SNX18: variants seen among roughly 807,000 people sequenced by gnomAD.
The protein encoded by SNX18 is sorting nexin 18.
In SNX18, 35 loss-of-function variants were observed where a neutral mutation model predicts 48.7. The ratio of observed to expected loss-of-function variants is 0.72; its 90% CI spans 0.55 to 0.95. The LOEUF (loss-of-function observed/expected upper bound fraction) is 0.95. SNX18 is among the 40% of genes least tolerant of loss of function. SNX18 has a pLI of 0.00. For synonymous variants in SNX18, 492 were observed against 384.7 expected, an observed-to-expected ratio of 1.28 and a Z score of -3.26; for missense variants, 824 against 871.0, an observed-to-expected ratio of 0.95 and a Z score of 0.68.
At chr5:54,612,406 G>C in the SNX18 span, among the ~76,000 whole-genome samples, 2 of 151,888 alleles carry the variant, frequency 1.3e-5, no homozygotes, top group African/African-American at 4.8e-5. Context: ...CTACAGGTGC[G>C]TGCCACCACA....
chr5:54,597,869 G>C, the SNX18 span, among the ~76,000 whole-genome samples: 1 of 151,782 alleles, frequency 6.6e-6, no homozygotes, highest in African/African-American at 2.4e-5. Flanking sequence ...GCTAGCAGAA[G>C]ACAAGAAATA....
the SNX18 span, among the ~76,000 whole-genome samples, chr5:54,630,104 A>G: frequency 6.6e-6 from 1 of 152,192 alleles, no homozygotes; most frequent in Non-Finnish European, 1.5e-5. Context: ...AACACCTGCC[A>G]GCTTCTGATA....
At chr5:54,531,734 G>C (rs1481268269) in intron 1 of SNX18, among the ~76,000 whole-genome samples, 1 of 152,180 alleles carries the variant, frequency 6.6e-6, no homozygotes, top group Non-Finnish European at 1.5e-5. Context: ...AAAACCACAG[G>C]AGTGAGGCGT....
Position 54,519,503 on chromosome 5 carries a change from C to T in SNX18, c.1551C>T (p.Pro517=), listed in dbSNP as rs151150635. 3 of 1,614,230 alleles carry T rather than the reference C, an allele frequency of 1.9e-6. No homozygotes were observed. Among genetic ancestry groups the T allele is most frequent in the African/African-American group, 1.3e-5 (1 of 75,048 alleles). Residue 517 remains proline, a synonymous_variant, in exon 1 of 2, where the codon CCC becomes CCT. Coordinates refer to ENST00000381410, the MANE Select transcript of SNX18 (RefSeq NM_001102575.2). ...AGCAGCCCAGGCAGGACCTGGATCC[C>T]GTCATGGACCTATTAGCGCTGTATC... ...FAEQPRQDLD[P]VMDLLALYQG... is the part of the protein sequence containing the mutation.
At chr5:54,581,070 C>G in the SNX18 span, among the ~76,000 whole-genome samples, 1 of 152,066 alleles carries the variant, frequency 6.6e-6, no homozygotes, top group Non-Finnish European at 1.5e-5. Flanking sequence ...GACCCCTGGT[C>G]GCAAGGAAGC....
chr5:54,551,572 T>A (rs1762656452), downstream of SNX18, among the ~76,000 whole-genome samples: 1 of 152,228 alleles, frequency 6.6e-6, no homozygotes, highest in South Asian at 2.1e-4. Context: ...ACGTTCATTC[T>A]TTGATCTACG....
At chr5:54,589,344 G>A in the SNX18 span, among the ~76,000 whole-genome samples, 6 of 152,078 alleles carry the variant, frequency 3.9e-5, no homozygotes, top group Non-Finnish European at 8.8e-5. Context: ...GCTGTGCCTT[G>A]TTGAAGGAGC....
At chr5:54,619,235 G>A in the SNX18 span, among the ~76,000 whole-genome samples, 3 of 152,112 alleles carry the variant, frequency 2.0e-5, no homozygotes, top group Non-Finnish European at 4.4e-5. Flanking sequence ...CAAAGGCCAG[G>A]CACAGTGGCT....
the SNX18 span, among the ~76,000 whole-genome samples, chr5:54,612,588 T>A: frequency 6.6e-6 from 1 of 152,090 alleles, no homozygotes; most frequent in South Asian, 2.1e-4. Flanking sequence ...AAACTTGGAT[T>A]TTATCGGCAT....
chr5:54,574,715 C>A, the SNX18 span, among the ~76,000 whole-genome samples: 3 of 152,088 alleles, frequency 2.0e-5, no homozygotes, highest in South Asian at 4.1e-4. Flanking sequence ...CGAGAACCAG[C>A]AGGCTCTGAG....
Position 54,519,087 on chromosome 5 carries a change from C to T in SNX18, c.1135C>T (p.Leu379=). ...LAQCDVFQHF[L]TCPSSTDEKA... is the part of the protein sequence containing the mutation. Reference sequence around the variant, plus strand: ...GCAGTGCGACGTCTTCCAGCACTTCCTGACGTGCCCCAGCAGCACCGACGA... The same window carrying T: ...GCAGTGCGACGTCTTCCAGCACTTCTTGACGTGCCCCAGCAGCACCGACGA... Residue 379 remains leucine, a synonymous_variant, in exon 1 of 2, where the codon CTG becomes TTG. Coordinates refer to ENST00000381410, the MANE Select transcript of SNX18 (RefSeq NM_001102575.2). 2 of 1,614,024 alleles carry T rather than the reference C, an allele frequency of 1.2e-6. No individual in the cohort carries two copies. Among genetic ancestry groups the T allele is most frequent in the South Asian group, 2.2e-5 (2 of 91,082 alleles).
chr5:54,627,066 T>C, the SNX18 span, among the ~76,000 whole-genome samples: 3 of 152,350 alleles, frequency 2.0e-5, no homozygotes, highest in African/African-American at 7.2e-5. Flanking sequence ...TGTGTTCTCA[T>C]AGAGCAATGT....
the SNX18 span, among the ~76,000 whole-genome samples, chr5:54,624,343 G>C: frequency 6.6e-6 from 1 of 152,088 alleles, no homozygotes; most frequent in East Asian, 1.9e-4. Context: ...GGCTCCAGGG[G>C]TTTTCATTAG....
the SNX18 span, among the ~76,000 whole-genome samples, chr5:54,622,498 T>C: frequency 6.6e-6 from 1 of 150,526 alleles, no homozygotes; most frequent in Admixed American, 6.6e-5. Context: ...CAAGCCACTG[T>C]CTCAAAAAAA....
At chr5:54,524,737 C>T (rs1012656379) in intron 1 of SNX18, among the ~76,000 whole-genome samples, 10 of 152,232 alleles carry the variant, frequency 6.6e-5, no homozygotes, top group African/African-American at 2.2e-4. Context: ...GGAAGGCAGA[C>T]GTGTATCATG....
chr5:54,588,183 G>C, the SNX18 span, among the ~76,000 whole-genome samples: 1 of 151,528 alleles, frequency 6.6e-6, no homozygotes, highest in Non-Finnish European at 1.5e-5. Flanking sequence ...CCAAAAGAAT[G>C]CCTAAAAATT....
chr5:54,518,342 G>A lies in SNX18; in HGVS notation c.390G>A (p.Gly130=), dbSNP rs746792902. The A allele has an allele frequency of 3.9e-6, 6 of 1,523,158 alleles. No homozygotes were observed. Among genetic ancestry groups the A allele is most frequent in the Non-Finnish European group, 5.3e-6 (6 of 1,138,096 alleles). The allele number at this position is 1,523,158 out of a possible 1,614,324, so 94.4% of individuals were successfully genotyped here. ...CCGGCGCGGGCTTCCCGTACGGCGG[G>A]GGCGCCCTGCAGCCGTCGCCTCAGC... ...QPPGAGFPYG[G]GALQPSPQQL... is the part of the protein sequence containing the mutation. The change falls in exon 1 of 2, where the codon GGG becomes GGA. Residue 130 remains glycine, a synonymous_variant. Coordinates refer to ENST00000381410, the MANE Select transcript of SNX18 (RefSeq NM_001102575.2).
downstream of SNX18, among the ~76,000 whole-genome samples, chr5:54,548,560 G>C (rs141368404): frequency 2.1e-4 from 32 of 152,272 alleles, no homozygotes; most frequent in African/African-American, 7.7e-4. Context: ...CACTAACCCA[G>C]CTCTGACCCT....
Position 54,545,713 on chromosome 5 carries a change from A to G in SNX18, c.*2281A>G, listed in dbSNP as rs200655709. 75 of 152,284 alleles carry G rather than the reference A, an allele frequency of 4.9e-4. 5 individuals are homozygous for G. The East Asian group carries it at 6.6e-3, about 13-fold the overall frequency. The allele number at this position is 152,284 out of a possible 1,614,324, so 9.4% of individuals were successfully genotyped here. On this transcript the variant is annotated 3_prime_UTR_variant, in exon 2 of 2. Coordinates refer to ENST00000381410, the MANE Select transcript of SNX18 (RefSeq NM_001102575.2). ...TTATTAGTGTTCATTTTCATCTAAG[A>G]TCTTTATTCTCTAACGTTCTTGGTC...
Sources: gnomAD v4.1 joint callset for allele counts (sites outside exome capture counted in the v4.1 genomes callset) on GRCh38, gnomAD v4.1.1 for gene constraint, MANE v1.5 for transcripts, NCBI Gene and HGNC (gene_info 2026-07-23, HGNC 2026-07-21) for gene names.